The following GPR141 variants were observed in gnomAD, a reference collection of about 807,000 sequenced individuals.
GPR141 encodes the protein probable G protein-coupled receptor 141.
A neutral mutation model predicts 6.8 loss-of-function variants in GPR141; 6 were observed. The ratio of observed to expected loss-of-function variants is 0.88; its 90% CI spans 0.48 to 1.74. GPR141 has a LOEUF of 1.74. Ranked by LOEUF, GPR141 falls within the 40% of genes most tolerant of loss-of-function variation. The pLI, the probability that GPR141 is intolerant of heterozygous loss-of-function variation, is 0.01. For missense variants in GPR141, 372 were observed against 372.9 expected (o/e 1.00, Z 0.02); for synonymous variants, 140 against 142.3 (o/e 0.98, Z 0.11).
At chr7:37,725,844 T>C (rs982739829) in intron 2 of GPR141, among the ~76,000 whole-genome samples, 9 of 152,170 alleles carry the variant, frequency 5.9e-5, no homozygotes, top group African/African-American at 2.2e-4. Context: ...TGCTTTGTTT[T>C]TTTTTTTCCT....
intron 2 of GPR141, among the ~76,000 whole-genome samples, chr7:37,710,110 T>G (rs1298374830): frequency 6.6e-6 from 1 of 152,238 alleles, no homozygotes; most frequent in Non-Finnish European, 1.5e-5. Context: ...CATTTCCTTT[T>G]GAGGCATTGA....
At chr7:37,695,592 C>G (rs1414710178) in intron 2 of GPR141, among the ~76,000 whole-genome samples, 1 of 152,188 alleles carries the variant, frequency 6.6e-6, no homozygotes, top group African/African-American at 2.4e-5. Flanking sequence ...GTGTTTCCTT[C>G]CGTTCTCTAT....
At chr7:37,708,651 A>G (rs1049186184) in intron 2 of GPR141, among the ~76,000 whole-genome samples, 3 of 152,186 alleles carry the variant, frequency 2.0e-5, no homozygotes, top group Admixed American at 6.6e-5. Flanking sequence ...TGACATTTAT[A>G]GGATACTGAC....
At chr7:37,728,916 G>A (rs1010731063) in intron 2 of GPR141, among the ~76,000 whole-genome samples, 3 of 152,198 alleles carry the variant, frequency 2.0e-5, no homozygotes, top group African/African-American at 7.2e-5. Context: ...TAGACAATGG[G>A]ATGCCAGGGA....
chr7:37,706,614 A>T (rs928345508), intron 2 of GPR141, among the ~76,000 whole-genome samples: 1 of 151,634 alleles, frequency 6.6e-6, no homozygotes, highest in African/African-American at 2.4e-5. Context: ...TTTTAAGAGG[A>T]TTCTAGCCAA....
intron 1 of GPR141, 78 bp downstream of exon 1, chr7:37,683,981 T>C (rs991739444): frequency 6.6e-6 from 1 of 152,230 alleles, no homozygotes; most frequent in Admixed American, 6.5e-5. Flanking sequence ...TTTGTTGGCA[T>C]AGTCCTAATT....
At chr7:37,707,437 G>A (rs1490443564) in intron 2 of GPR141, among the ~76,000 whole-genome samples, 4 of 152,158 alleles carry the variant, frequency 2.6e-5, no homozygotes, top group Non-Finnish European at 4.4e-5. Context: ...TATAATTTAT[G>A]AAGGTCATTG....
At chr7:37,714,007 A>G (rs745819288) in intron 2 of GPR141, among the ~76,000 whole-genome samples, 2 of 152,180 alleles carry the variant, frequency 1.3e-5, no homozygotes, top group African/African-American at 4.8e-5. Context: ...TATGAAGCCA[A>G]TGGTTTTTCT....
At chr7:37,702,739 AAAAT>A (rs889735975) in intron 2 of GPR141, among the ~76,000 whole-genome samples, 32 of 149,728 alleles carry the variant, frequency 2.1e-4, no homozygotes, top group South Asian at 4.1e-4. Flanking sequence ...AGTATAATAA[AAAAT>A]AAATAAATAA....
intron 2 of GPR141, chr7:37,730,124 C>T (rs1811846635): frequency 6.6e-6 from 1 of 152,234 alleles, no homozygotes; most frequent in Admixed American, 6.5e-5. Context: ...ATCTTCTTCT[C>T]TTCTTTCTTT....
intron 2 of GPR141, among the ~76,000 whole-genome samples, chr7:37,702,846 TC>T (rs1435752378): frequency 6.9e-6 from 1 of 143,898 alleles, no homozygotes; most frequent in Non-Finnish European, 1.5e-5. Context: ...AAAAAAAAAG[TC>T]CCCCCAAAGT....
intron 2 of GPR141, among the ~76,000 whole-genome samples, chr7:37,732,037 T>TTTTA (rs59467979): frequency 0.77 from 113,126 of 146,070 alleles, 43,911 homozygotes; most frequent in Middle Eastern, 0.8. Context: ...TTTTTTTTAT[T>TTTTA]TTTATTTATT....
At chr7:37,707,132 G>T (rs1442172904) in intron 2 of GPR141, among the ~76,000 whole-genome samples, 1 of 152,120 alleles carries the variant, frequency 6.6e-6, no homozygotes, top group African/African-American at 2.4e-5. Context: ...CAGGGGCAGG[G>T]TAACCTCAGG....
chr7:37,743,699 TTAACA>T lies in GPR141; in HGVS notation c.*2394_*2398del, dbSNP rs1322157830. On this transcript the variant is annotated 3_prime_UTR_variant, in exon 3 of 3. Transcript: ENST00000334425. ...ATCTCTGTATTAATCTGTTATAATG[TTAACA>T]TAACACTATGTTATTTTCATATATT... 2.6e-4 allele frequency among the ~76,000 whole-genome samples: 39 copies of T among 152,274 alleles called. 1 individual carries two copies. Among genetic ancestry groups the T allele is most frequent in the African/African-American group, 8.9e-4 (37 of 41,590 alleles).
chr7:37,688,586 G>A (rs1264131572), intron 2 of GPR141, among the ~76,000 whole-genome samples: 1 of 152,192 alleles, frequency 6.6e-6, no homozygotes, highest in Non-Finnish European at 1.5e-5. Context: ...CCATGCTACT[G>A]AGACGCACTC....
intron 2 of GPR141, among the ~76,000 whole-genome samples, chr7:37,715,419 A>C (rs933685568): frequency 1.3e-5 from 2 of 152,018 alleles, no homozygotes; most frequent in Non-Finnish European, 2.9e-5. Flanking sequence ...TGCCCAGTCT[A>C]TTTTCTCCTT....
intron 2 of GPR141, among the ~76,000 whole-genome samples, chr7:37,700,007 A>T (rs563919495): frequency 8.5e-5 from 13 of 152,240 alleles, no homozygotes; most frequent in African/African-American, 3.1e-4. Flanking sequence ...TCCTTTTATT[A>T]TTCCTTAAAT....
intron 2 of GPR141, among the ~76,000 whole-genome samples, chr7:37,710,391 A>G (rs966503950): frequency 1.3e-5 from 2 of 152,198 alleles, no homozygotes; most frequent in Non-Finnish European, 2.9e-5. Flanking sequence ...CCAACCCTGC[A>G]GCTACATAAT....
chr7:37,731,382 GTC>G (rs1393130066), intron 2 of GPR141, among the ~76,000 whole-genome samples: 1 of 152,162 alleles, frequency 6.6e-6, no homozygotes, highest in Non-Finnish European at 1.5e-5. Context: ...AGAACGAGGT[GTC>G]TCTCTGAAAG....
Sources: allele counts gnomAD v4.1 joint callset (sites outside exome capture counted in the v4.1 genomes callset), GRCh38; gene constraint gnomAD v4.1.1; transcripts MANE v1.5; gene names NCBI Gene and HGNC (gene_info 2026-07-23, HGNC 2026-07-21).